Variants in ADGRL3 observed in about 807,000 individuals in gnomAD.
ADGRL3 encodes the protein adhesion G protein-coupled receptor L3.
Under a neutral mutation model 153.5 loss-of-function variants are expected in ADGRL3, and 62 were observed. That is an observed-to-expected ratio of 0.40 (90% CI 0.33 to 0.50). The LOEUF (loss-of-function observed/expected upper bound fraction) is 0.50, where lower values mean the gene tolerates loss of function less well. Ranked by LOEUF, ADGRL3 falls within the 20% of genes least tolerant of loss-of-function variation. ADGRL3 has a pLI of 0.47. For missense variants in ADGRL3, 1,641 were observed against 1,859.4 expected, an observed-to-expected ratio of 0.88 and a Z score of 2.16; for synonymous variants, 710 against 672.5, an observed-to-expected ratio of 1.06 and a Z score of -0.86.
intron 4 of ADGRL3, among the ~76,000 whole-genome samples, chr4:61,554,254 C>T (rs184061809): frequency 0.023 from 3,463 of 151,170 alleles, 107 homozygotes; most frequent in African/African-American, 0.077. Context: ...AGTGCAGTGG[C>T]GCATTCTTGG....
intron 3 of ADGRL3, among the ~76,000 whole-genome samples, chr4:61,505,814 C>T (rs2098424322): frequency 1.0e-5 from 1 of 100,258 alleles, no homozygotes; most frequent in Non-Finnish European, 2.0e-5. Context: ...ACTCACATCA[C>T]ATCTTTTAAT....
At chr4:61,817,726 A>G (rs967279152) in intron 9 of ADGRL3, among the ~76,000 whole-genome samples, 1 of 152,226 alleles carries the variant, frequency 6.6e-6, no homozygotes, top group Non-Finnish European at 1.5e-5. Flanking sequence ...GAGGGCTCAC[A>G]ATCATGGTAG....
At chr4:61,937,108 G>T (rs2098842287) in intron 15 of ADGRL3, among the ~76,000 whole-genome samples, 1 of 152,100 alleles carries the variant, frequency 6.6e-6, no homozygotes. Context: ...TTAGATTCCT[G>T]CATTAGCTTC....
intron 17 of ADGRL3, among the ~76,000 whole-genome samples, chr4:61,962,340 A>AGATATTTAACATTG (rs759573563): frequency 2.0e-5 from 3 of 152,334 alleles, no homozygotes; most frequent in Non-Finnish European, 4.4e-5. Context: ...AACACAAACA[A>AGATATTTAACATTG]GATATTTAAC....
Position 61,711,464 on chromosome 4 carries a change from A to C in ADGRL3, c.584-19158A>C, listed in dbSNP as rs1022457226. Among the ~76,000 whole-genome samples, 44 of 76,848 alleles carry C rather than the reference A, an allele frequency of 5.7e-4. 1 individual carries two copies. Among genetic ancestry groups the C allele is most frequent in the African/African-American group, 2.4e-3 (38 of 15,650 alleles). The allele number at this position is 76,848 out of a possible 152,430, so 50.4% of individuals were successfully genotyped here. On this transcript the variant is annotated intron_variant, in intron 6 of 26. Transcript: ENST00000683033. ...TCTTAAAACATATGCTTCATTATAT[A>C]TATATATATATATATATATATATAT...
intron 1 of ADGRL3, among the ~76,000 whole-genome samples, chr4:61,317,727 T>G (rs2150681631): frequency 6.6e-6 from 1 of 152,302 alleles, no homozygotes; most frequent in East Asian, 1.9e-4. Flanking sequence ...TTGTAGCTTC[T>G]ATCCTACGTA....
At chr4:61,226,007 G>C (rs146424848) in intron 1 of ADGRL3, among the ~76,000 whole-genome samples, 1 of 151,824 alleles carries the variant, frequency 6.6e-6, no homozygotes, top group Non-Finnish European at 1.5e-5. Context: ...TTCCGTAACA[G>C]CTCTCAGAGT....
chr4:61,714,635 G>A (rs1238042814), intron 6 of ADGRL3, among the ~76,000 whole-genome samples: 1 of 152,110 alleles, frequency 6.6e-6, no homozygotes. Context: ...GGTAAAGATT[G>A]TCCTCAAGCA....
intron 2 of ADGRL3, among the ~76,000 whole-genome samples, chr4:61,470,578 G>A (rs531639512): frequency 1.1e-3 from 170 of 151,738 alleles, no homozygotes; most frequent in African/African-American, 3.9e-3. Flanking sequence ...TTATGACTTC[G>A]AATATAAATA....
intron 6 of ADGRL3, 147 bp downstream of exon 6, chr4:61,677,082 C>T (rs1580229908): frequency 1.7e-6 from 1 of 588,200 alleles, no homozygotes; most frequent in Non-Finnish European, 3.0e-6. Context: ...ATCATAGACC[C>T]TCCCTGCCAT....
intron 5 of ADGRL3, among the ~76,000 whole-genome samples, chr4:61,587,876 G>A (rs772354388): frequency 2.0e-5 from 3 of 152,022 alleles, no homozygotes; most frequent in Non-Finnish European, 4.4e-5. Flanking sequence ...TAATCAAAAT[G>A]TAGTAAGAGT....
chr4:61,905,106 A>G (rs1163013203), intron 11 of ADGRL3, among the ~76,000 whole-genome samples: 2 of 152,218 alleles, frequency 1.3e-5, no homozygotes, highest in Non-Finnish European at 1.5e-5. Context: ...GCAGAATACT[A>G]TGAATGGCAC....
intron 8 of ADGRL3, among the ~76,000 whole-genome samples, chr4:61,800,701 G>A (rs1210838830): frequency 6.6e-6 from 1 of 152,062 alleles, no homozygotes; most frequent in Non-Finnish European, 1.5e-5. Context: ...TATTTTAATG[G>A]GTTATCCTGA....
chr4:61,386,478 C>G (rs1035882372), intron 2 of ADGRL3, among the ~76,000 whole-genome samples: 2 of 152,084 alleles, frequency 1.3e-5, no homozygotes, highest in African/African-American at 4.8e-5. Flanking sequence ...AAATTAACAT[C>G]TAGAACATAC....
chr4:61,914,241 A>C (rs889560460), intron 13 of ADGRL3, among the ~76,000 whole-genome samples: 2 of 152,116 alleles, frequency 1.3e-5, no homozygotes, highest in Non-Finnish European at 2.9e-5. Context: ...AAGTCAGCTA[A>C]ATTTGTAGTT....
At chr4:61,892,372 T>G (rs1484803751) in intron 9 of ADGRL3, among the ~76,000 whole-genome samples, 1 of 151,856 alleles carries the variant, frequency 6.6e-6, no homozygotes, top group Non-Finnish European at 1.5e-5. Context: ...TACTGAAGAG[T>G]TGAGTTGTGC....
rs373446902 is a variant in ADGRL3, at chr4:61,382,358, G to A, written c.-239-766G>A. On this transcript the variant is annotated intron_variant, in intron 1 of 26. Coordinates refer to ENST00000683033, the MANE Select transcript of ADGRL3 (RefSeq NM_001387552.1). ...AGCTTTGTGTAAAGCTCTTTAAATA[G>A]ACATACTAGAACATTCAAAAATTGA... 8.6e-5 allele frequency among the ~76,000 whole-genome samples: 13 copies of A among 151,372 alleles called. No individual in the cohort carries two copies. The East Asian group carries it at 1.8e-3, about 20-fold the overall frequency.
chr4:61,870,707 AGC>A (rs1316225954), intron 9 of ADGRL3, among the ~76,000 whole-genome samples: 1 of 152,242 alleles, frequency 6.6e-6, no homozygotes, highest in Non-Finnish European at 1.5e-5. Context: ...CAACATTATT[AGC>A]CATCAGGAAA....
chr4:61,653,825 T>C (rs1005110412), intron 5 of ADGRL3, among the ~76,000 whole-genome samples: 5 of 152,168 alleles, frequency 3.3e-5, no homozygotes, highest in Non-Finnish European at 7.3e-5. Flanking sequence ...ACGAGGGACA[T>C]GAAGTGGGCG....
Sources: gnomAD v4.1 joint callset for allele counts (sites outside exome capture counted in the v4.1 genomes callset) on GRCh38, gnomAD v4.1.1 for gene constraint, MANE v1.5 for transcripts, NCBI Gene and HGNC (gene_info 2026-07-23, HGNC 2026-07-21) for gene names.